The following CACNA1C variants were observed in gnomAD, a reference collection of about 807,000 sequenced individuals.
The protein encoded by CACNA1C is voltage-dependent L-type calcium channel subunit alpha-1C.
Under a neutral mutation model 229.0 loss-of-function variants are expected in CACNA1C, and 30 were observed. That is an observed-to-expected ratio of 0.13 (90% CI 0.10 to 0.18). CACNA1C has a LOEUF of 0.18. Among genes scored for constraint, CACNA1C ranks in the 10% least tolerant of loss-of-function variants. The probability of loss-of-function intolerance (pLI) is 1.00; values close to 1 mark genes in which losing one functional copy is unlikely to be tolerated. For synonymous variants in CACNA1C, 1,114 were observed against 1,132.5 expected, an observed-to-expected ratio of 0.98 and a Z score of 0.33; for missense variants, 1,658 against 2,845.0, an observed-to-expected ratio of 0.58 and a Z score of 9.49.
At chr12:2,003,982 A>T (rs1319292476) in intron 1 of CACNA1C, among the ~76,000 whole-genome samples, 1 of 152,044 alleles carries the variant, frequency 6.6e-6, no homozygotes, top group Non-Finnish European at 1.5e-5. Context: ...GCCATAAGGT[A>T]TCAGGTCCTT....
At chr12:2,673,611 ATGT>A (rs2096658081) in intron 38 of CACNA1C, among the ~76,000 whole-genome samples, 1 of 152,110 alleles carries the variant, frequency 6.6e-6, no homozygotes, top group South Asian at 2.1e-4. Flanking sequence ...GGGGGAGATC[ATGT>A]TGTTGGTGGA....
At position 2,029,725 on chromosome 12, in the gene CACNA1C, A is replaced by G. The variant is rs1478973755; in HGVS notation, c.139+58524A>G. On this transcript the variant is annotated intron_variant, in intron 1 of 46. Transcript: ENST00000682462. This position sits in a 1 kb window ranked among gnomAD's most constrained non-coding sequence, Gnocchi z 4.9. ...ACAGTTTTCTGTTTCTTTCCACCCCACAACTTGGTCATTAGTAAGGGGCTA... is the reference window on the plus strand; with the variant it reads ...ACAGTTTTCTGTTTCTTTCCACCCCGCAACTTGGTCATTAGTAAGGGGCTA... Among the ~76,000 whole-genome samples the G allele has an allele frequency of 6.6e-6, 1 of 152,156 alleles. No individual in the cohort carries two copies.
chr12:2,632,740 C>T lies in CACNA1C; in HGVS notation c.3829-1557C>T, dbSNP rs943417424. ...CCCTAGCAAACCCATCCTCAGGAAA[C>T]GCTTTGATCACCGCGTGCCCTCTGC... On this transcript the variant is annotated intron_variant, in intron 29 of 46. Transcript: ENST00000399655. This position sits in a 1 kb window ranked among gnomAD's most constrained non-coding sequence, Gnocchi z 4.1. 8.5e-5 allele frequency among the ~76,000 whole-genome samples: 13 copies of T among 152,296 alleles called. No individual in the cohort carries two copies. Among genetic ancestry groups the T allele is most frequent in the South Asian group, 2.1e-4 (1 of 4,822 alleles).
chr12:2,582,833 G>T lies in CACNA1C; in HGVS notation c.2115G>T (p.Gly705=). Residue 705 remains glycine, a synonymous_variant, in exon 15 of 47, where the codon GGG becomes GGT. Coordinates refer to ENST00000399655, the MANE Select transcript of CACNA1C (RefSeq NM_000719.7). The part of the protein sequence containing the change: ...SLLTVFQILT[G]EDWNSVMYDG... ...AATGTGTCATTCAGATCCTGACCGG[G>T]GAGGACTGGAATTCGGTGATGTATG... 6.2e-7 allele frequency: 1 copy of T among 1,613,570 alleles called. No homozygotes were observed. Among genetic ancestry groups the T allele is most frequent in the Non-Finnish European group, 8.5e-7 (1 of 1,179,752 alleles).
chr12:2,241,984 C>A (rs2070581499), intron 3 of CACNA1C, among the ~76,000 whole-genome samples: 1 of 152,160 alleles, frequency 6.6e-6, no homozygotes, highest in South Asian at 2.1e-4. Flanking sequence ...CTGCCATCGC[C>A]ATCATCATTC....
intron 3 of CACNA1C, among the ~76,000 whole-genome samples, chr12:2,184,440 TTG>T (rs959597225): frequency 1.1e-4 from 17 of 152,090 alleles, no homozygotes; most frequent in Non-Finnish European, 2.1e-4. Flanking sequence ...TGAGATAAGT[TTG>T]TGTTAGTTTG....
intron 13 of CACNA1C, among the ~76,000 whole-genome samples, chr12:2,580,156 C>T (rs117485870): frequency 0.014 from 2,110 of 152,268 alleles, 29 homozygotes; most frequent in Non-Finnish European, 0.023. Flanking sequence ...TTTGGTGAGA[C>T]AAGACTGTAT....
At chr12:2,115,119 TGAAATAAG>T in intron 1 of CACNA1C, 97 bp from the exon 2 acceptor site, 1 of 902,740 alleles carries the variant, frequency 1.1e-6, no homozygotes, top group Non-Finnish European at 1.6e-6. Context: ...TGCAATAGCT[TGAAATAAG>T]GTTTTGAAAA....
chr12:2,038,104 C>T (rs1439419765), intron 1 of CACNA1C, among the ~76,000 whole-genome samples: 1 of 152,186 alleles, frequency 6.6e-6, no homozygotes, highest in African/African-American at 2.4e-5. Context: ...CTGACGAAGA[C>T]TGTGCACTCA....
intron 3 of CACNA1C, among the ~76,000 whole-genome samples, chr12:2,417,383 T>C (rs1313796197): frequency 1.3e-5 from 2 of 152,228 alleles, no homozygotes; most frequent in African/African-American, 2.4e-5. Flanking sequence ...TCAGTGGATC[T>C]CAACTCTGGC....
At chr12:2,611,782 G>A in intron 28 of CACNA1C, 121 bp from the exon 29 acceptor site, 1 of 632,368 alleles carries the variant, frequency 1.6e-6, no homozygotes, top group Non-Finnish European at 2.8e-6. Context: ...CGGCCCTCTG[G>A]GGGTTTGGTT....
chr12:2,373,412 T>G (rs745499862), intron 3 of CACNA1C, among the ~76,000 whole-genome samples: 1 of 151,954 alleles, frequency 6.6e-6, no homozygotes, highest in Non-Finnish European at 1.5e-5. Flanking sequence ...ATGGGGAGTT[T>G]TGGGGGAGGC....
At position 2,185,847 on chromosome 12, in the gene CACNA1C, C is replaced by T. The variant is rs989753781; in HGVS notation, c.477+65417C>T. The stretch of plus-strand genomic sequence containing the variant: ...GTCACTCACCCTTCCTCCTGCACCA[C>T]GTGTCTTTGCCCGGTGGGCTCCAGC... On this transcript the variant is annotated intron_variant, in intron 3 of 46. Coordinates refer to ENST00000399655, the MANE Select transcript of CACNA1C (RefSeq NM_000719.7). 5.3e-5 allele frequency among the ~76,000 whole-genome samples: 8 copies of T among 152,310 alleles called. No homozygotes were observed. The East Asian group carries it at 7.7e-4, about 15-fold the overall frequency.
At chr12:2,147,170 G>A (rs2094797257) in intron 3 of CACNA1C, among the ~76,000 whole-genome samples, 1 of 151,338 alleles carries the variant, frequency 6.6e-6, no homozygotes, top group South Asian at 2.1e-4. Flanking sequence ...GAGAGGGGGG[G>A]AACCTCCAAA....
At chr12:2,031,510 C>CA (rs1565978019) in intron 1 of CACNA1C, among the ~76,000 whole-genome samples, 1 of 152,180 alleles carries the variant, frequency 6.6e-6, no homozygotes, top group Non-Finnish European at 1.5e-5. Flanking sequence ...TTTGTTTGAA[C>CA]AAAAGAGGAT....
intron 4 of CACNA1C, among the ~76,000 whole-genome samples, chr12:2,450,182 T>C (rs2099347526): frequency 6.6e-6 from 1 of 152,088 alleles, no homozygotes; most frequent in Non-Finnish European, 1.5e-5. Context: ...ATAAATAAGT[T>C]ATTAACCTCA....
chr12:2,456,463 G>C (rs1404410219), intron 4 of CACNA1C, among the ~76,000 whole-genome samples: 1 of 152,160 alleles, frequency 6.6e-6, no homozygotes, highest in Non-Finnish European at 1.5e-5. Context: ...ACCAGCACCC[G>C]GTGGGGTTCC....
At position 2,304,638 on chromosome 12, in the gene CACNA1C, G is replaced by A. The variant is rs547626687; in HGVS notation, c.478-144338G>A. Reference sequence around the variant, plus strand: ...TCCTCTCTGTAAAGGCACAGAGAGCGGGTTGCTCCACCGGCCACAAAGCAC... The same window carrying A: ...TCCTCTCTGTAAAGGCACAGAGAGCAGGTTGCTCCACCGGCCACAAAGCAC... On this transcript the variant is annotated intron_variant, in intron 3 of 46. Coordinates refer to ENST00000399655, the MANE Select transcript of CACNA1C (RefSeq NM_000719.7). Among the ~76,000 whole-genome samples the A allele has an allele frequency of 7.4e-4, 112 of 152,164 alleles. 1 individual carries two copies. Among genetic ancestry groups the A allele is most frequent in the African/African-American group, 2.7e-3 (111 of 41,510 alleles).
chr12:2,472,208 C>T (rs973702315), intron 5 of CACNA1C, among the ~76,000 whole-genome samples: 1 of 152,054 alleles, frequency 6.6e-6, no homozygotes, highest in African/African-American at 2.4e-5. Flanking sequence ...TTTTTGTACT[C>T]CATTCTCACT....
Sources: gnomAD v4.1 joint callset for allele counts (sites outside exome capture counted in the v4.1 genomes callset) on GRCh38, gnomAD v4.1.1 for gene constraint, Gnocchi (gnomAD v3.1) non-coding constraint, MANE v1.5 for transcripts, NCBI Gene and HGNC (gene_info 2026-07-23, HGNC 2026-07-21) for gene names.